The following NGEF variants were observed in gnomAD, a reference collection of about 807,000 sequenced individuals.
The protein encoded by NGEF is ephexin-1.
A neutral mutation model predicts 80.9 loss-of-function variants in NGEF; 31 were observed. The observed-to-expected ratio is 0.38, with a 90% CI of 0.29 to 0.52. NGEF has a LOEUF of 0.52. Ranked by LOEUF, NGEF falls within the 20% of genes least tolerant of loss-of-function variation. The probability of loss-of-function intolerance (pLI) is 0.84; values close to 1 mark genes in which losing one functional copy is unlikely to be tolerated. For synonymous variants in NGEF, 371 were observed against 370.2 expected (o/e 1.00, Z -0.03); for missense variants, 709 against 926.2 (o/e 0.77, Z 3.04).
intron 8 of NGEF, 94 bp from the exon 9 acceptor site, chr2:232,888,201 TC>T: frequency 1.2e-6 from 1 of 843,858 alleles, no homozygotes; most frequent in Non-Finnish European, 1.9e-6. Context: ...ACTGCACCAG[TC>T]CAGCCCCATG....
chr2:232,888,637 T>C (rs1397073414), intron 8 of NGEF, among the ~76,000 whole-genome samples: 1 of 152,094 alleles, frequency 6.6e-6, no homozygotes, highest in African/African-American at 2.4e-5. Context: ...CCCGCAGGTG[T>C]GGCACCCAGC....
intron 1 of NGEF, among the ~76,000 whole-genome samples, chr2:233,002,898 C>T (rs1264376842): frequency 2.6e-5 from 4 of 152,130 alleles, no homozygotes; most frequent in Admixed American, 1.3e-4. Context: ...AGGGTGGGGC[C>T]CAGGCGTCAC....
At chr2:232,924,152 A>G (rs1083520) in intron 4 of NGEF, among the ~76,000 whole-genome samples, 65,744 of 151,714 alleles carry the variant, frequency 0.43, 14,297 homozygotes, top group Admixed American at 0.46. Flanking sequence ...TAGGAGAATC[A>G]CTTGAACCCG....
At chr2:232,926,893 T>A in intron 4 of NGEF, 151 bp downstream of exon 4, 1 of 993,646 alleles carries the variant, frequency 1.0e-6, no homozygotes, top group Middle Eastern at 2.5e-4. Flanking sequence ...CGGAACCATT[T>A]AGAGCCAAAC....
rs1432327711 is a variant in NGEF at position 232,882,300 on chromosome 2, G to A, written c.1758-35C>T. The A allele has an allele frequency of 3.8e-6, 6 of 1,582,792 alleles. No homozygotes were observed. In the African/African-American group the frequency reaches 5.4e-5, roughly 14 times the overall value. On this transcript the variant is annotated intron_variant, in intron 12 of 14. Coordinates refer to ENST00000264051, the MANE Select transcript of NGEF (RefSeq NM_019850.3). ...GGAAGAGGACAGTGCCCCAACTGCA[G>A]ATCAACGGCAGCCCCCCAACGTGTG...
chr2:232,970,861 A>T (rs904306790), intron 2 of NGEF, among the ~76,000 whole-genome samples: 4 of 152,190 alleles, frequency 2.6e-5, no homozygotes, highest in African/African-American at 9.7e-5. Context: ...ATACATAAAC[A>T]TACATACGTA....
intron 3 of NGEF, among the ~76,000 whole-genome samples, chr2:232,968,980 C>G (rs1694124697): frequency 6.6e-6 from 1 of 152,208 alleles, no homozygotes; most frequent in Non-Finnish European, 1.5e-5. Context: ...TGGGTCCATG[C>G]AGGCGTGAAG....
chr2:232,888,434 TCA>T lies in NGEF; in HGVS notation c.1273-329_1273-328del, dbSNP rs542989727. 2.7e-3 allele frequency among the ~76,000 whole-genome samples: 417 copies of T among 152,134 alleles called. 1 individual carries two copies. The highest frequency in any genetic ancestry group is 4.5e-3 in the Non-Finnish European group (305 of 67,974). ...TGCATGCACACACGTGCATACATGC[TCA>T]CACATGCACAACACGATGCATGCAC... On this transcript the variant is annotated intron_variant, in intron 8 of 14. Transcript: ENST00000264051.
intron 5 of NGEF, among the ~76,000 whole-genome samples, chr2:232,916,544 G>C (rs1420347205): frequency 6.6e-6 from 1 of 152,146 alleles, no homozygotes; most frequent in Non-Finnish European, 1.5e-5. Flanking sequence ...AACAGAAAAG[G>C]GGGAAAAGAT....
intron 3 of NGEF, among the ~76,000 whole-genome samples, chr2:232,948,875 A>G (rs1159572513): frequency 6.6e-6 from 1 of 151,960 alleles, no homozygotes; most frequent in Non-Finnish European, 1.5e-5. Context: ...AAAATTAGCC[A>G]GGCGTGGTGG....
chr2:232,911,834 T>C (rs1022169276), intron 5 of NGEF, among the ~76,000 whole-genome samples: 1 of 152,200 alleles, frequency 6.6e-6, no homozygotes, highest in Non-Finnish European at 1.5e-5. Flanking sequence ...ATGACTGATA[T>C]TTGTGTGTTG....
intron 8 of NGEF, among the ~76,000 whole-genome samples, chr2:232,888,929 G>T (rs1691792378): frequency 6.6e-6 from 1 of 152,144 alleles, no homozygotes; most frequent in South Asian, 2.1e-4. Flanking sequence ...CCTCTTAGCG[G>T]TCCCCACCAT....
rs187052924 is a variant in NGEF at position 233,010,325 on chromosome 2, C to A, written c.-75+2743G>T. Among the ~76,000 whole-genome samples, 8 of 152,288 alleles carry A rather than the reference C, an allele frequency of 5.3e-5. No homozygotes were observed. In the East Asian group the frequency reaches 1.5e-3, roughly 29 times the overall value. ...GGAATGTGCTATCTGTGAACGTATG[C>A]TATTTAGAGAACCTGGAGCATTCAT... On this transcript the variant is annotated intron_variant, in intron 1 of 14. Transcript: ENST00000264051.
chr2:232,944,706 T>A (rs1297626003), intron 3 of NGEF, among the ~76,000 whole-genome samples: 1 of 141,220 alleles, frequency 7.1e-6, no homozygotes, highest in Non-Finnish European at 1.5e-5. Flanking sequence ...AGAGTTGGGC[T>A]AGGGGATAAG....
At position 232,974,834 on chromosome 2, in the gene NGEF, A is replaced by T; in HGVS notation, c.57T>A (p.Asp19Glu). 2.5e-6 allele frequency: 4 copies of T among 1,614,180 alleles called. No homozygotes were observed. Among genetic ancestry groups the T allele is most frequent in the Non-Finnish European group, 3.4e-6 (4 of 1,180,032 alleles). ...LEKTRRKSAS[D>E]QWNTDNEPAK... ...CTGGTTCATTATCAGTGTTCCATTG[A>T]TCACTTGCTGATTTCCTCCGGGTCT... Residue 19 changes from aspartate (D) to glutamate (E), a missense_variant, in exon 2 of 15, where the codon GAT becomes GAA. Transcript: ENST00000264051.
At chr2:232,978,017 C>T (rs62193963) in intron 1 of NGEF, among the ~76,000 whole-genome samples, 83,246 of 151,820 alleles carry the variant, frequency 0.55, 23,502 homozygotes, top group African/African-American at 0.6. Flanking sequence ...ACTGGTTTTG[C>T]GGTGTTGGGT....
chr2:232,982,211 T>C (rs1184489441), intron 1 of NGEF, among the ~76,000 whole-genome samples: 2 of 151,994 alleles, frequency 1.3e-5, no homozygotes, highest in African/African-American at 4.8e-5. Flanking sequence ...CATCAATCTC[T>C]CCAAGGAGGG....
At chr2:232,907,086 T>C (rs1692579420) in intron 5 of NGEF, among the ~76,000 whole-genome samples, 1 of 149,342 alleles carries the variant, frequency 6.7e-6, no homozygotes, top group Admixed American at 6.8e-5. Flanking sequence ...GTTTGTCTGC[T>C]GACCTTCCCT....
At position 232,927,884 on chromosome 2, in the gene NGEF, C is replaced by A. The variant is rs531932123; in HGVS notation, c.384-698G>T. On this transcript the variant is annotated intron_variant, in intron 3 of 14. Coordinates refer to ENST00000264051, the MANE Select transcript of NGEF (RefSeq NM_019850.3). ...GCGCGCCGGGGCCGGGACAGGCGCC[C>A]GTCCTCACCTGCCGGGCAGGTGTCC... is the stretch of plus-strand genomic sequence containing the variant. 1.1e-4 allele frequency: 136 copies of A among 1,281,634 alleles called. No individual in the cohort carries two copies. In the African/African-American group the frequency reaches 1.9e-3, roughly 18 times the overall value. 79.4% of individuals were successfully genotyped at this position (1,281,634 alleles called of 1,614,324 possible). A position where few individuals can be genotyped will look rare whatever the true frequency, so the allele number is the denominator to read the frequency against.
Sources: gnomAD v4.1 joint callset for allele counts (sites outside exome capture counted in the v4.1 genomes callset) on GRCh38, gnomAD v4.1.1 for gene constraint, MANE v1.5 for transcripts, NCBI Gene and HGNC (gene_info 2026-07-23, HGNC 2026-07-21) for gene names.